The following DSCAM variants were observed in gnomAD, a reference collection of about 807,000 sequenced individuals.
DSCAM encodes cell adhesion molecule DSCAM.
DSCAM carries 47 observed loss-of-function variants against 217.7 expected under a neutral mutation model. The ratio of observed to expected loss-of-function variants is 0.22; its 90% CI spans 0.17 to 0.28. The LOEUF is 0.28. Ranked by LOEUF, DSCAM falls within the 10% of genes least tolerant of loss-of-function variation. The probability of loss-of-function intolerance (pLI) is 1.00; values close to 1 mark genes in which losing one functional copy is unlikely to be tolerated. For missense variants in DSCAM, 2,080 were observed against 2,618.3 expected (o/e 0.79, Z 4.49); for synonymous variants, 1,056 against 1,015.3 (o/e 1.04, Z -0.76).
intron 32 of DSCAM, among the ~76,000 whole-genome samples, chr21:40,014,283 G>A (rs2088116742): frequency 1.3e-5 from 2 of 152,200 alleles, no homozygotes; most frequent in Admixed American, 1.3e-4. Context: ...CCCAGTACTG[G>A]GGACACTGAG....
chr21:40,751,302 A>ATT (rs965417648), intron 1 of DSCAM, among the ~76,000 whole-genome samples: 15 of 152,144 alleles, frequency 9.9e-5, no homozygotes, highest in African/African-American at 3.6e-4. Flanking sequence ...CACTAATTAC[A>ATT]ATCTACTAGT....
chr21:40,033,496 A>G (rs2088570835), intron 32 of DSCAM, among the ~76,000 whole-genome samples: 1 of 151,852 alleles, frequency 6.6e-6, no homozygotes, highest in African/African-American at 2.4e-5. Context: ...CCACGAGACT[A>G]TATCCCGCAC....
At chr21:40,338,439 G>A in intron 7 of DSCAM, 63 bp from the exon 8 acceptor site, 6 of 1,498,904 alleles carry the variant, frequency 4.0e-6, no homozygotes, top group Middle Eastern at 1.8e-4. Flanking sequence ...AGGGAAATGG[G>A]TACACTTTTC....
At chr21:40,442,812 G>T (rs1434367952) in intron 3 of DSCAM, among the ~76,000 whole-genome samples, 1 of 152,022 alleles carries the variant, frequency 6.6e-6, no homozygotes, top group African/African-American at 2.4e-5. Flanking sequence ...GCCTGGCCGA[G>T]TTAATTTTTT....
chr21:40,126,641 A>G (rs2090096932), intron 19 of DSCAM, among the ~76,000 whole-genome samples: 1 of 152,234 alleles, frequency 6.6e-6, no homozygotes, highest in Non-Finnish European at 1.5e-5. Flanking sequence ...ATATGTTTTA[A>G]GTTAAAATGC....
intron 3 of DSCAM, among the ~76,000 whole-genome samples, chr21:40,682,599 G>GAGAGAAAGAGAGAGAGAGAGAA (rs1555880009): frequency 1.7e-5 from 2 of 117,622 alleles, no homozygotes; most frequent in South Asian, 2.7e-4. Flanking sequence ...GAGAGAGAAA[G>GAGAGAAAGAGAGAGAGAGAGAA]AGAGAAAGAA....
chr21:40,743,131 C>T (rs1420299622), intron 1 of DSCAM, among the ~76,000 whole-genome samples: 1 of 152,064 alleles, frequency 6.6e-6, no homozygotes, highest in African/African-American at 2.4e-5. Context: ...TCTTTATGGC[C>T]TGAATACAGA....
chr21:40,539,290 G>T (rs550289697), intron 3 of DSCAM, among the ~76,000 whole-genome samples: 1 of 152,106 alleles, frequency 6.6e-6, no homozygotes, highest in East Asian at 1.9e-4. Context: ...GGATCACGAG[G>T]TCAGGAGATT....
chr21:40,758,188 C>A (rs1025916385), intron 1 of DSCAM, among the ~76,000 whole-genome samples: 10 of 152,044 alleles, frequency 6.6e-5, no homozygotes, highest in African/African-American at 2.4e-4. Context: ...CAGAGGGAGA[C>A]CACCGTGCTC....
intron 3 of DSCAM, among the ~76,000 whole-genome samples, chr21:40,605,430 G>A (rs1049706872): frequency 2.0e-5 from 3 of 152,124 alleles, no homozygotes; most frequent in African/African-American, 7.2e-5. Context: ...CTCTCTGGGT[G>A]CCCTCGCTGA....
intron 3 of DSCAM, among the ~76,000 whole-genome samples, chr21:40,416,222 G>A (rs2075370850): frequency 6.6e-6 from 1 of 152,020 alleles, no homozygotes; most frequent in Admixed American, 6.6e-5. Flanking sequence ...TTTCTTTGTG[G>A]CATTTTTCTG....
At chr21:40,642,047 A>T (rs1309579979) in intron 3 of DSCAM, among the ~76,000 whole-genome samples, 2 of 131,194 alleles carry the variant, frequency 1.5e-5, no homozygotes, top group Admixed American at 8.0e-5. Flanking sequence ...TGTCTCAAAA[A>T]AAAAAAAAAA....
At chr21:40,739,787 T>G (rs1488751650) in intron 1 of DSCAM, among the ~76,000 whole-genome samples, 2 of 151,894 alleles carry the variant, frequency 1.3e-5, no homozygotes, top group African/African-American at 4.8e-5. Context: ...ATTAGTTTTT[T>G]TTTTTTTTTC....
chr21:40,552,614 CT>C (rs986007863), intron 3 of DSCAM, among the ~76,000 whole-genome samples: 1 of 152,214 alleles, frequency 6.6e-6, no homozygotes, highest in African/African-American at 2.4e-5. Flanking sequence ...GCTATTCCAC[CT>C]GTGTGCTGCT....
At chr21:40,531,271 C>T (rs1192321457) in intron 3 of DSCAM, among the ~76,000 whole-genome samples, 2 of 152,298 alleles carry the variant, frequency 1.3e-5, no homozygotes, top group South Asian at 2.1e-4. Context: ...CGGTCTCAGG[C>T]GCATTATGCA....
intron 3 of DSCAM, among the ~76,000 whole-genome samples, chr21:40,650,736 A>G (rs2090003221): frequency 6.6e-6 from 1 of 152,214 alleles, no homozygotes; most frequent in African/African-American, 2.4e-5. Context: ...CAATATGATG[A>G]AACCCCATCT....
chr21:40,260,628 G>T (rs1015792527), intron 11 of DSCAM, among the ~76,000 whole-genome samples: 1 of 152,176 alleles, frequency 6.6e-6, no homozygotes, highest in East Asian at 1.9e-4. Flanking sequence ...TAAATCATCA[G>T]AGAAACATCT....
At chr21:40,654,859 A>G (rs1202804777) in intron 3 of DSCAM, among the ~76,000 whole-genome samples, 2 of 152,122 alleles carry the variant, frequency 1.3e-5, no homozygotes, top group Non-Finnish European at 2.9e-5. Context: ...GTAAGGTGAA[A>G]TATTCACCTT....
chr21:40,114,514 A>G (rs2089942645), intron 20 of DSCAM, among the ~76,000 whole-genome samples: 1 of 151,720 alleles, frequency 6.6e-6, no homozygotes, highest in African/African-American at 2.4e-5. Context: ...CAAGGACTTC[A>G]TGTCTAAAAC....
Sources: gnomAD v4.1 joint callset for allele counts (sites outside exome capture counted in the v4.1 genomes callset) on GRCh38, gnomAD v4.1.1 for gene constraint, MANE v1.5 for transcripts, NCBI Gene and HGNC (gene_info 2026-07-23, HGNC 2026-07-21) for gene names.